Variants in FAM107B observed in about 807,000 individuals in gnomAD.
The protein encoded by FAM107B is family with sequence similarity 107 member B.
A neutral mutation model predicts 31.5 loss-of-function variants in FAM107B; 21 were observed. The ratio of observed to expected loss-of-function variants is 0.67; its 90% CI spans 0.47 to 0.96. FAM107B has a LOEUF of 0.96. FAM107B is among the 40% of genes least tolerant of loss of function. The probability of loss-of-function intolerance (pLI) is 0.00; values close to 1 mark genes in which losing one functional copy is unlikely to be tolerated. For missense variants in FAM107B, 452 were observed against 377.1 expected (o/e 1.20, Z -1.64); for synonymous variants, 157 against 141.5 (o/e 1.11, Z -0.78).
intron 2 of FAM107B, among the ~76,000 whole-genome samples, chr10:14,598,500 A>G (rs1165189868): frequency 1.3e-5 from 2 of 152,168 alleles, no homozygotes; most frequent in Non-Finnish European, 2.9e-5. Context: ...CTAAGTAGCT[A>G]AACTCATAGA....
chr10:14,722,419 C>T (rs1855932485), intron 1 of FAM107B, among the ~76,000 whole-genome samples: 1 of 152,150 alleles, frequency 6.6e-6, no homozygotes, highest in Non-Finnish European at 1.5e-5. Flanking sequence ...AGATATATTC[C>T]ATGCTGCTTT....
At chr10:14,670,686 TTA>T (rs1854518806) in intron 1 of FAM107B, among the ~76,000 whole-genome samples, 5 of 152,178 alleles carry the variant, frequency 3.3e-5, no homozygotes, top group Admixed American at 3.3e-4. Flanking sequence ...CCAAACATAT[TTA>T]TTACTCCATC....
chr10:14,687,160 C>T (rs186330136), intron 1 of FAM107B, among the ~76,000 whole-genome samples: 2 of 152,294 alleles, frequency 1.3e-5, no homozygotes, highest in East Asian at 3.9e-4. Context: ...TAACCTCATT[C>T]TAGAAAGGCA....
intron 2 of FAM107B, among the ~76,000 whole-genome samples, chr10:14,584,765 G>A (rs1397360358): frequency 4.6e-5 from 7 of 152,166 alleles, no homozygotes; most frequent in Admixed American, 3.9e-4. Context: ...CAAAAGGACC[G>A]GAGGCCACTC....
chr10:14,592,421 G>C (rs1364282284), intron 2 of FAM107B, among the ~76,000 whole-genome samples: 1 of 152,164 alleles, frequency 6.6e-6, no homozygotes, highest in Non-Finnish European at 1.5e-5. Flanking sequence ...TCTGTCCAGA[G>C]TCAATTTATC....
intron 2 of FAM107B, among the ~76,000 whole-genome samples, chr10:14,664,606 A>G (rs1854360109): frequency 6.6e-6 from 1 of 152,234 alleles, no homozygotes. Flanking sequence ...TACATCATAT[A>G]GCCTCAGTGT....
At position 14,720,203 on chromosome 10, in the gene FAM107B, C is replaced by T. The variant is rs192291670; in HGVS notation, c.412-52512G>A. ...AGGTGATTCCCTGATGGTGCCAGAA[C>T]CCCTTCCAACTGGTACTCCTGTTTC... is the stretch of plus-strand genomic sequence containing the variant. On this transcript the variant is annotated intron_variant, in intron 1 of 4. Transcript: ENST00000181796. 2.5e-3 allele frequency among the ~76,000 whole-genome samples: 375 copies of T among 152,304 alleles called. 2 individuals are homozygous for T. The highest frequency in any genetic ancestry group is 8.5e-3 in the African/African-American group (354 of 41,566).
chr10:14,709,053 T>C (rs965298351), intron 1 of FAM107B, among the ~76,000 whole-genome samples: 6 of 152,232 alleles, frequency 3.9e-5, no homozygotes, highest in Admixed American at 2.0e-4. Flanking sequence ...CAACAAATGC[T>C]GGCCAGGATG....
chr10:14,650,598 T>C (rs1853874177), intron 2 of FAM107B, among the ~76,000 whole-genome samples: 1 of 152,194 alleles, frequency 6.6e-6, no homozygotes, highest in Non-Finnish European at 1.5e-5. Flanking sequence ...TCGATACTTA[T>C]TTAAGAGTAA....
At chr10:14,726,909 A>C (rs1350868875) in intron 1 of FAM107B, among the ~76,000 whole-genome samples, 1 of 152,094 alleles carries the variant, frequency 6.6e-6, no homozygotes, top group Non-Finnish European at 1.5e-5. Context: ...TGTAATATCT[A>C]ATGAAATAAG....
chr10:14,727,872 T>C (rs1444864510), intron 1 of FAM107B, among the ~76,000 whole-genome samples: 1 of 152,164 alleles, frequency 6.6e-6, no homozygotes, highest in Non-Finnish European at 1.5e-5. Flanking sequence ...TTGAGGCAAA[T>C]AGAAAAGTTC....
intron 1 of FAM107B, among the ~76,000 whole-genome samples, chr10:14,687,258 G>T (rs1263515474): frequency 6.6e-6 from 1 of 152,024 alleles, no homozygotes; most frequent in Non-Finnish European, 1.5e-5. Context: ...CACTTCCCCG[G>T]GCTTCATTTT....
In FAM107B at chr10:14,530,518, G is replaced by A. The variant is rs1309780033; in HGVS notation, c.470-3C>T. ...GTCAATATCCTCAGGTGGGCTGTCT[G>A]AAAGAGAAAGATGAGAAACACTCAT... On this transcript the variant is annotated splice_region_variant and splice_polypyrimidine_tract_variant and intron_variant, in intron 2 of 4. Transcript: ENST00000181796. 6.2e-7 allele frequency: 1 copy of A among 1,610,750 alleles called. No homozygotes were observed. The highest frequency in any genetic ancestry group is 1.7e-4 in the Middle Eastern group (1 of 6,046).
chr10:14,571,804 T>C (rs1851250534), intron 2 of FAM107B: 1 of 985,472 alleles, frequency 1.0e-6, no homozygotes, highest in South Asian at 4.7e-5. Flanking sequence ...ATCATGGGCA[T>C]TCAAGGTGGT....
Position 14,521,426 on chromosome 10 carries a change from T to C in FAM107B, c.805-120A>G, listed in dbSNP as rs1845623236. On this transcript the variant is annotated intron_variant, in intron 4 of 4. Coordinates refer to ENST00000181796, the MANE Select transcript of FAM107B (RefSeq NM_031453.4). ...CCCCACAGAATAAATTCTCTCCTGG[T>C]CCCCCACTTTTAAAGAAATGGATGG... 3 of 794,388 alleles carry C rather than the reference T, an allele frequency of 3.8e-6. No individual in the cohort carries two copies. The South Asian group carries it at 5.2e-5, about 14-fold the overall frequency. The allele number at this position is 794,388 out of a possible 1,614,324, so 49.2% of individuals were successfully genotyped here.
intron 2 of FAM107B, among the ~76,000 whole-genome samples, chr10:14,584,240 A>C (rs1044686365): frequency 9.9e-5 from 15 of 152,206 alleles, no homozygotes; most frequent in Admixed American, 9.2e-4. Flanking sequence ...GAAGCACTTA[A>C]GCCCTATAGG....
intron 2 of FAM107B, among the ~76,000 whole-genome samples, chr10:14,629,218 A>C (rs1308442684): frequency 1.4e-5 from 2 of 140,208 alleles, no homozygotes; most frequent in East Asian, 3.9e-4. Context: ...ATTTATATTT[A>C]TATAATACAT....
At chr10:14,525,372 A>G (rs753667970) in intron 3 of FAM107B, among the ~76,000 whole-genome samples, 5 of 152,236 alleles carry the variant, frequency 3.3e-5, no homozygotes, top group Non-Finnish European at 5.9e-5. Flanking sequence ...GGCAAAGCCA[A>G]TTTAAAAAAC....
intron 2 of FAM107B, among the ~76,000 whole-genome samples, chr10:14,586,104 C>T (rs193033954): frequency 5.3e-5 from 8 of 152,230 alleles, no homozygotes; most frequent in Admixed American, 2.6e-4. Flanking sequence ...GCACTGAGTC[C>T]GCATCACTGT....
Sources: allele counts gnomAD v4.1 joint callset (sites outside exome capture counted in the v4.1 genomes callset), GRCh38; gene constraint gnomAD v4.1.1; transcripts MANE v1.5; gene names NCBI Gene and HGNC (gene_info 2026-07-23, HGNC 2026-07-21).